The following DIPK1A variants were observed in gnomAD, a reference collection of about 807,000 sequenced individuals.
DIPK1A encodes divergent protein kinase domain 1A, also known as family with sequence similarity 69 member A.
A neutral mutation model predicts 40.8 loss-of-function variants in DIPK1A; 27 were observed. That is an observed-to-expected ratio of 0.66 (90% confidence interval 0.49 to 0.91). The LOEUF is 0.91. Among genes scored for constraint, DIPK1A ranks in the 40% least tolerant of loss-of-function variants. The pLI is 0.00. For missense variants in DIPK1A, 412 were observed against 505.7 expected, an observed-to-expected ratio of 0.81 and a Z score of 1.78; for synonymous variants, 166 against 171.3, an observed-to-expected ratio of 0.97 and a Z score of 0.24.
intron 1 of DIPK1A, among the ~76,000 whole-genome samples, chr1:92,920,252 T>C (rs146723881): frequency 7.2e-5 from 11 of 152,330 alleles, no homozygotes; most frequent in Admixed American, 7.2e-4. Context: ...GATAAATGAA[T>C]AATGGGGGCA....
intron 3 of DIPK1A, among the ~76,000 whole-genome samples, chr1:92,850,072 G>A (rs1211672803): frequency 1.3e-5 from 2 of 152,034 alleles, no homozygotes; most frequent in South Asian, 2.1e-4. Context: ...CTGGGCTCAA[G>A]CAATCTTCCC....
intron 2 of DIPK1A, among the ~76,000 whole-genome samples, chr1:92,855,828 C>T (rs1687969509): frequency 6.6e-6 from 1 of 151,926 alleles, no homozygotes; most frequent in Admixed American, 6.6e-5. Flanking sequence ...TCGATAATCC[C>T]CAGCACTTTG....
chr1:92,939,580 C>T (rs1571142799), intron 1 of DIPK1A, among the ~76,000 whole-genome samples: 1 of 152,214 alleles, frequency 6.6e-6, no homozygotes, highest in East Asian at 1.9e-4. Context: ...CCCCACCTTC[C>T]CATATGCCCC....
intron 1 of DIPK1A, among the ~76,000 whole-genome samples, chr1:92,880,659 A>T (rs1648324525): frequency 6.8e-6 from 1 of 147,702 alleles, no homozygotes; most frequent in Non-Finnish European, 1.5e-5. Flanking sequence ...ATGGAGCCAA[A>T]GGATAGAGCC....
At chr1:92,954,566 G>T (rs1479775759) in intron 1 of DIPK1A, among the ~76,000 whole-genome samples, 2 of 151,200 alleles carry the variant, frequency 1.3e-5, no homozygotes, top group African/African-American at 4.9e-5. Context: ...GTAGAGACAG[G>T]GTTTCGCCAC....
intron 1 of DIPK1A, among the ~76,000 whole-genome samples, chr1:92,955,691 C>CT (rs1651823850): frequency 7.7e-6 from 1 of 130,122 alleles, no homozygotes; most frequent in Admixed American, 8.4e-5. Context: ...GAGTGAGACT[C>CT]TGTCTCAAAA....
At chr1:92,888,676 C>T (rs935414236) in intron 1 of DIPK1A, among the ~76,000 whole-genome samples, 1 of 152,114 alleles carries the variant, frequency 6.6e-6, no homozygotes, top group African/African-American at 2.4e-5. Flanking sequence ...CCTACTTCTC[C>T]ACATCCTCAC....
chr1:92,844,817 G>A (rs889676465), intron 4 of DIPK1A, among the ~76,000 whole-genome samples: 4 of 151,858 alleles, frequency 2.6e-5, no homozygotes, highest in Non-Finnish European at 4.4e-5. Context: ...AAGTATTTCC[G>A]TTAGTCTGAA....
intron 2 of DIPK1A, among the ~76,000 whole-genome samples, chr1:92,866,284 T>A (rs1557460118): frequency 6.6e-6 from 1 of 152,188 alleles, no homozygotes; most frequent in Non-Finnish European, 1.5e-5. Context: ...GTATTTTTAG[T>A]AGAGATGGGT....
At chr1:92,925,611 A>G (rs1025711853) in intron 1 of DIPK1A, among the ~76,000 whole-genome samples, 1 of 152,210 alleles carries the variant, frequency 6.6e-6, no homozygotes, top group African/African-American at 2.4e-5. Flanking sequence ...CTCCTGCCTC[A>G]GCCTCCCGAG....
chr1:92,914,636 G>A (rs1211098791), intron 1 of DIPK1A, among the ~76,000 whole-genome samples: 1 of 151,614 alleles, frequency 6.6e-6, no homozygotes, highest in Non-Finnish European at 1.5e-5. Context: ...GGGCACAGTG[G>A]TGGGCACCTG....
Position 92,844,031 on chromosome 1 carries a change from T to A in DIPK1A, c.639A>T (p.Glu213Asp). Residue 213 changes from glutamate to aspartate, a missense_variant, in exon 5 of 5, where the codon GAA becomes GAT. Physicochemically the swap from Glu to Asp is conservative, Grantham distance 45. Transcript: ENST00000370310. ...AGAATCCCATTAATTTGGGGGTATG[T>A]TCTTTATCTTGAAGTATCACCATGA... ...FLLMVILQDKEHTPKLMGFCG... is the reference protein window; with the variant it reads ...FLLMVILQDKDHTPKLMGFCG... 6.4e-7 allele frequency: 1 copy of A among 1,552,158 alleles called. No homozygotes were observed. The highest frequency in any genetic ancestry group is 8.7e-7 in the Non-Finnish European group (1 of 1,147,078).
chr1:92,878,682 A>T (rs1013883398), intron 1 of DIPK1A, among the ~76,000 whole-genome samples: 22 of 152,116 alleles, frequency 1.4e-4, no homozygotes, highest in African/African-American at 4.8e-4. Flanking sequence ...TAGCCGGGCG[A>T]GGTGGCGGGG....
intron 1 of DIPK1A, among the ~76,000 whole-genome samples, chr1:92,948,898 G>A (rs967794543): frequency 4.6e-5 from 7 of 150,788 alleles, no homozygotes; most frequent in Non-Finnish European, 7.4e-5. Context: ...TCCACCTCCC[G>A]GGTTCAAGCG....
At chr1:92,932,807 C>T (rs1373397383) in intron 1 of DIPK1A, 1 of 152,102 alleles carries the variant, frequency 6.6e-6, no homozygotes, top group Non-Finnish European at 1.5e-5. Flanking sequence ...AGGTGGAGCA[C>T]CGAGGATTTT....
intron 1 of DIPK1A, chr1:92,933,195 A>G (rs1289533132): frequency 6.6e-6 from 1 of 152,210 alleles, no homozygotes; most frequent in Non-Finnish European, 1.5e-5. Flanking sequence ...AAGAAGTAGA[A>G]GGAAAGAAAT....
intron 2 of DIPK1A, 151 bp downstream of exon 2, chr1:92,876,145 C>T (rs1381778472): frequency 4.3e-6 from 2 of 462,870 alleles, no homozygotes; most frequent in Non-Finnish European, 7.0e-6. Flanking sequence ...GAAAACTTTA[C>T]TAATGGGTCA....
intron 4 of DIPK1A, chr1:92,833,831 TA>T (rs1447652553): frequency 2.3e-5 from 14 of 620,266 alleles, no homozygotes; most frequent in Non-Finnish European, 3.7e-5. Context: ...CTTGGTACTT[TA>T]AAAAATGCTC....
chr1:92,903,043 G>C (rs1649479280), intron 1 of DIPK1A, among the ~76,000 whole-genome samples: 1 of 152,000 alleles, frequency 6.6e-6, no homozygotes, highest in African/African-American at 2.4e-5. Context: ...GAAACATAAT[G>C]TTACACTGCT....
Sources: allele counts gnomAD v4.1 joint callset (sites outside exome capture counted in the v4.1 genomes callset), GRCh38; gene constraint gnomAD v4.1.1; transcripts MANE v1.5; gene names NCBI Gene and HGNC (gene_info 2026-07-23, HGNC 2026-07-21).